Variants in CAPN2 observed in about 807,000 individuals in gnomAD.
CAPN2 encodes calpain-2 catalytic subunit.
A neutral mutation model predicts 102.3 loss-of-function variants in CAPN2; 92 were observed. That is an observed-to-expected ratio of 0.90 (90% CI 0.76 to 1.07). The LOEUF (loss-of-function observed/expected upper bound fraction) is 1.07. Ranked by LOEUF, CAPN2 falls within the 50% of genes least tolerant of loss-of-function variation. The probability of loss-of-function intolerance (pLI) is 0.00; values close to 1 mark genes in which losing one functional copy is unlikely to be tolerated. For missense variants in CAPN2, 800 were observed against 909.4 expected, an observed-to-expected ratio of 0.88 and a Z score of 1.55; for synonymous variants, 340 against 355.4, an observed-to-expected ratio of 0.96 and a Z score of 0.49.
chr1:223,759,143 C>G lies in CAPN2; in HGVS notation c.1318-127C>G. The G allele has an allele frequency of 5.7e-6, 5 of 883,208 alleles. No individual in the cohort carries two copies. Among genetic ancestry groups the G allele is most frequent in the Non-Finnish European group, 9.3e-6 (5 of 539,654 alleles). The allele number at this position is 883,208 out of a possible 1,614,324, so 54.7% of individuals were successfully genotyped here. A position where few individuals can be genotyped will look rare whatever the true frequency, so the allele number is the denominator to read the frequency against. ...GGTTTCTGACGCCTGGCCTCGCCTC[C>G]TTATACACCAGGACAGCAGGACTGA... On this transcript the variant is annotated intron_variant, in intron 11 of 20. Transcript: ENST00000295006. This position sits in a 1 kb window ranked among gnomAD's most constrained non-coding sequence, Gnocchi z 4.6.
At chr1:223,703,754 G>A (rs1209218830) in intron 1 of CAPN2, among the ~76,000 whole-genome samples, 1 of 152,134 alleles carries the variant, frequency 6.6e-6, no homozygotes, top group Non-Finnish European at 1.5e-5. Flanking sequence ...GTCTAACTTC[G>A]TTTTGGCATT....
intron 2 of CAPN2, among the ~76,000 whole-genome samples, chr1:223,719,973 A>G (rs28370030): frequency 9.2e-5 from 14 of 152,298 alleles, no homozygotes; most frequent in Admixed American, 8.5e-4. Context: ...GCGGGTGCTG[A>G]TGGGGCCTTG....
chr1:223,759,269 G>GCAACC lies in CAPN2; in HGVS notation c.1318-1_1318insCAACC (p.Leu440GlnfsTer3). 6.2e-7 allele frequency: 1 copy of GCAACC among 1,613,848 alleles called. No homozygotes were observed. Among genetic ancestry groups the GCAACC allele is most frequent in the Non-Finnish European group, 8.5e-7 (1 of 1,179,742 alleles). ...CCCATGTTTCTCTATTTATTCCTCA[G>GCAACC]TTAAGTGGGCAGACCAACATCCACC... is the stretch of plus-strand genomic sequence containing the variant. On this transcript the variant is annotated frameshift_variant and splice_region_variant. Coordinates refer to ENST00000295006, the MANE Select transcript of CAPN2 (RefSeq NM_001748.5). LOFTEE classifies it high-confidence loss of function. The surrounding 1 kb of genome is among the most constrained non-coding windows in gnomAD (Gnocchi z 4.6).
chr1:223,729,531 G>C (rs1302103341), intron 2 of CAPN2, among the ~76,000 whole-genome samples: 1 of 152,192 alleles, frequency 6.6e-6, no homozygotes, highest in Non-Finnish European at 1.5e-5. Context: ...TTGGTTTACA[G>C]CTTGGTTTTA....
chr1:223,769,233 C>A (rs187951455), intron 16 of CAPN2, among the ~76,000 whole-genome samples: 9 of 152,272 alleles, frequency 5.9e-5, no homozygotes, highest in Non-Finnish European at 7.4e-5. Flanking sequence ...GATTCTCCCC[C>A]CTCCAGCCTC....
At chr1:223,752,634 T>C (rs1660931410) in intron 8 of CAPN2, among the ~76,000 whole-genome samples, 162 bp from the exon 9 acceptor site, 1 of 152,204 alleles carries the variant, frequency 6.6e-6, no homozygotes, top group African/African-American at 2.4e-5. Flanking sequence ...GCGCCAGGAC[T>C]GGAATCTGGG....
chr1:223,749,394 A>C (rs772067095), intron 6 of CAPN2: 5 of 559,152 alleles, frequency 8.9e-6, no homozygotes, highest in Non-Finnish European at 1.6e-5. Context: ...TTACAGTTAC[A>C]ACCTTACTAT....
chr1:223,720,597 G>A (rs1045864177), intron 2 of CAPN2, among the ~76,000 whole-genome samples: 10 of 152,064 alleles, frequency 6.6e-5, no homozygotes, highest in African/African-American at 1.4e-4. Flanking sequence ...GATTACAGGC[G>A]TGAGCCACTG....
chr1:223,710,589 A>T (rs1030670138), upstream of CAPN2, among the ~76,000 whole-genome samples: 1 of 152,176 alleles, frequency 6.6e-6, no homozygotes, highest in Non-Finnish European at 1.5e-5. Flanking sequence ...TCCAGCGTGA[A>T]CATCAACCAG....
chr1:223,774,851 A>C lies in CAPN2; in HGVS notation c.2097A>C (p.Val699=), dbSNP rs1168868597. The change falls in exon 21 of 21, where the codon GTA becomes GTC. Residue 699 remains valine, a synonymous_variant. Transcript: ENST00000295006. ...LDLISWLCFS[V]L is the part of the protein sequence containing the mutation. Reference sequence around the variant, plus strand: ...CCTCACAGTGGCTCTGTTTCTCAGTACTTTGAAGTTATAACTAATCTGCCT... The same window carrying C: ...CCTCACAGTGGCTCTGTTTCTCAGTCCTTTGAAGTTATAACTAATCTGCCT... 3.1e-6 allele frequency: 5 copies of C among 1,613,030 alleles called. No homozygotes were observed. In the East Asian group the frequency reaches 1.1e-4, roughly 36 times the overall value.
rs192550770 is a variant in CAPN2 at position 223,764,780 on chromosome 1, G to T, written c.1690+573G>T. ...ATTTTTGTATTTTCCTAGAGATGGG[G>T]TTTCTCCATGTTGGCCAGGCTGGTC... On this transcript the variant is annotated intron_variant, in intron 15 of 20. Transcript: ENST00000295006. Among the ~76,000 whole-genome samples the T allele has an allele frequency of 6.6e-3, 1,006 of 152,324 alleles. 20 individuals are homozygous for T. Among genetic ancestry groups the T allele is most frequent in the African/African-American group, 0.023 (955 of 41,556 alleles).
intron 1 of CAPN2, among the ~76,000 whole-genome samples, chr1:223,704,752 G>A (rs1470577909): frequency 6.6e-6 from 1 of 152,168 alleles, no homozygotes; most frequent in African/African-American, 2.4e-5. Flanking sequence ...GAGGGAGGTG[G>A]TCAAGGATAT....
rs528284572 is a variant in CAPN2, at chr1:223,756,712, G to T, written c.1306-657G>T. Reference sequence around the variant, plus strand: ...AAAGGCAGCTGGGCAAATACCATCAGTTGTAAAAATGCACATAGGCCTAAA... The same window carrying T: ...AAAGGCAGCTGGGCAAATACCATCATTTGTAAAAATGCACATAGGCCTAAA... On this transcript the variant is annotated intron_variant, in intron 10 of 20. Transcript: ENST00000295006. This position sits in a 1 kb window ranked among gnomAD's most constrained non-coding sequence, Gnocchi z 4.1. 6.6e-6 allele frequency among the ~76,000 whole-genome samples: 1 copy of T among 152,324 alleles called. No individual in the cohort carries two copies. The highest frequency in any genetic ancestry group is 1.9e-4 in the East Asian group (1 of 5,188).
rs775024591 is a variant in CAPN2 at position 223,759,462 on chromosome 1, G to T, written c.1510G>T (p.Glu504Ter). 2.5e-6 allele frequency: 4 copies of T among 1,614,026 alleles called. No homozygotes were observed. In the East Asian group the frequency reaches 6.7e-5, roughly 27 times the overall value. Residue 504 changes from glutamate to a stop codon, truncating the protein, a stop_gained, in exon 12 of 21, where the codon GAA (glutamate) becomes TAA (stop). Transcript: ENST00000295006. LOFTEE classifies it high-confidence loss of function. This position sits in a 1 kb window ranked among gnomAD's most constrained non-coding sequence, Gnocchi z 4.6. Reference protein sequence around the residue: ...DGDFCIRVFSEKKADYQAVDD... With the variant: ...DGDFCIRVFS The stretch of plus-strand genomic sequence containing the variant: ...GGATTTCTGCATCCGGGTCTTTTCT[G>T]AAAAGAAAGCTGACTACCAGTAGGC...
chr1:223,772,357 G>C (rs1034301575), intron 20 of CAPN2, 118 bp downstream of exon 20: 5 of 801,350 alleles, frequency 6.2e-6, no homozygotes, highest in Non-Finnish European at 1.0e-5. Flanking sequence ...TTGGTCTGTC[G>C]GGGCCAGGCC....
chr1:223,742,829 C>T (rs1660658233), intron 2 of CAPN2, among the ~76,000 whole-genome samples: 1 of 152,190 alleles, frequency 6.6e-6, no homozygotes, highest in South Asian at 2.1e-4. Flanking sequence ...TCTTCAGTAA[C>T]ATTTTTAATA....
At chr1:223,758,098 T>A (rs1408745331) in intron 11 of CAPN2, 1 of 152,144 alleles carries the variant, frequency 6.6e-6, no homozygotes, top group Non-Finnish European at 1.5e-5. Context: ...TGACCTCAGG[T>A]GATCCACCCC....
At chr1:223,720,755 A>G (rs1660029981) in intron 2 of CAPN2, among the ~76,000 whole-genome samples, 3 of 151,858 alleles carry the variant, frequency 2.0e-5, no homozygotes, top group Admixed American at 6.6e-5. Context: ...TTCTCACCTC[A>G]CTGTACAGAT....
chr1:223,745,267 C>A, intron 3 of CAPN2, 39 bp from the exon 4 acceptor site: 1 of 1,613,316 alleles, frequency 6.2e-7, no homozygotes, highest in Non-Finnish European at 8.5e-7. Context: ...CCAGTGCTGC[C>A]ACCAGCTCCT....
Sources: allele counts gnomAD v4.1 joint callset (sites outside exome capture counted in the v4.1 genomes callset), GRCh38; gene constraint gnomAD v4.1.1; non-coding constraint Gnocchi (gnomAD v3.1); transcripts MANE v1.5; gene names NCBI Gene and HGNC (gene_info 2026-07-23, HGNC 2026-07-21).